The following LMF1 variants were observed in gnomAD, a reference collection of about 807,000 sequenced individuals.
The protein encoded by LMF1 is transmembrane protein 112.
Under a neutral mutation model 60.6 loss-of-function variants are expected in LMF1, and 68 were observed. That is an observed-to-expected ratio of 1.12 (90% CI 0.92 to 1.37). The LOEUF (loss-of-function observed/expected upper bound fraction) is 1.37, where lower values mean the gene tolerates loss of function less well. LMF1 is among the 40% of genes most tolerant of loss of function. LMF1 has a pLI of 0.00. For synonymous variants in LMF1, 418 were observed against 324.7 expected (o/e 1.29, Z -3.09); for missense variants, 948 against 767.2 (o/e 1.24, Z -2.78).
rs71142797 is a variant in LMF1 at position 981,282 on chromosome 16, CTGTGTGTG to C, written c.-280_-273del. The C allele has an allele frequency of 7.4e-4, 229 of 310,132 alleles. 5 individuals are homozygous for C. Among genetic ancestry groups the C allele is most frequent in the Non-Finnish European group, 3.0e-4 (48 of 162,232 alleles). 19.2% of individuals were successfully genotyped at this position (310,132 alleles called of 1,614,324 possible). On this transcript the variant is annotated 5_prime_UTR_variant, in exon 1 of 7. Coordinates refer to the LMF1 transcript ENST00000570014. ...GGCGAGACCTCAGGCGCGAGACGGG[CTGTGTGTG>C]TGTGTGTGTGTGTGAGAGAGAGAGA...
At chr16:912,532 C>T (rs185669687) in intron 3 of LMF1, among the ~76,000 whole-genome samples, 650 of 152,304 alleles carry the variant, frequency 4.3e-3, no homozygotes, top group Non-Finnish European at 7.3e-3. Context: ...AGCAGATCGG[C>T]GTGAGTGGAG....
chr16:910,786 A>G (rs2071087293), intron 4 of LMF1, 145 bp downstream of exon 4: 3 of 949,180 alleles, frequency 3.2e-6, no homozygotes, highest in African/African-American at 3.3e-5. Context: ...AAGGGGCAGA[A>G]GAGTGCGCAG....
chr16:978,407 G>A (rs930682280), intron 1 of LMF1, among the ~76,000 whole-genome samples: 11 of 152,128 alleles, frequency 7.2e-5, no homozygotes, highest in East Asian at 5.8e-4. Flanking sequence ...TAGGAGCCAC[G>A]GGTAGGGTGG....
Position 896,487 on chromosome 16 carries a change from G to A in LMF1, c.664-3415C>T, listed in dbSNP as rs371100539. ...AAAACTGAGAGTCAGGTCTTCTGGA[G>A]GCTGGGTTTGCTCAGATCACAAAAG... On this transcript the variant is annotated intron_variant, in intron 4 of 10. Transcript: ENST00000262301. Among the ~76,000 whole-genome samples the A allele has an allele frequency of 4.9e-4, 75 of 152,356 alleles. No homozygotes were observed. In the Middle Eastern group the frequency reaches 0.01, roughly 21 times the overall value.
chr16:867,483 C>T lies in LMF1; in HGVS notation c.1529+1461G>A, dbSNP rs550972537. On this transcript the variant is annotated intron_variant, in intron 10 of 10. Coordinates refer to ENST00000262301, the MANE Select transcript of LMF1 (RefSeq NM_022773.4). The stretch of plus-strand genomic sequence containing the variant: ...TGGGGGGCTCTGAAGGCTGCTGAGA[C>T]GGGGCAGTAACAGAGAAGACCCGTA... Among the ~76,000 whole-genome samples, 415 of 152,268 alleles carry T rather than the reference C, an allele frequency of 2.7e-3. 1 individual carries two copies. Among genetic ancestry groups the T allele is most frequent in the African/African-American group, 9.3e-3 (388 of 41,546 alleles).
chr16:875,300 G>A (rs1464264190), intron 6 of LMF1, among the ~76,000 whole-genome samples: 5 of 152,098 alleles, frequency 3.3e-5, no homozygotes, highest in Non-Finnish European at 5.9e-5. Flanking sequence ...CGGCACTAAG[G>A]GAACCCGCAG....
chr16:951,362 C>T (rs1020016417), intron 2 of LMF1, among the ~76,000 whole-genome samples: 4 of 152,128 alleles, frequency 2.6e-5, no homozygotes, highest in Admixed American at 2.0e-4. Flanking sequence ...TCAGAGCCAA[C>T]GATGGAGTCA....
intron 1 of LMF1, among the ~76,000 whole-genome samples, chr16:958,900 A>AC (rs2072764636): frequency 6.8e-6 from 1 of 147,076 alleles, no homozygotes; most frequent in African/African-American, 2.6e-5. Context: ...AAAAACCAAA[A>AC]AAACAAAACA....
chr16:913,044 C>T (rs138458438), intron 3 of LMF1, among the ~76,000 whole-genome samples: 2,557 of 152,336 alleles, frequency 0.017, 39 homozygotes, highest in Non-Finnish European at 0.027. Flanking sequence ...CTGCCACTGC[C>T]GGGGAGAGGA....
intron 3 of LMF1, chr16:933,361 A>G (rs17497398): frequency 0.014 from 2,131 of 152,626 alleles, 24 homozygotes; most frequent in Middle Eastern, 0.037. Flanking sequence ...CTGGTACTCA[A>G]TATTGAAGGA....
intron 6 of LMF1, among the ~76,000 whole-genome samples, chr16:876,348 C>G (rs539023765): frequency 6.6e-6 from 1 of 152,334 alleles, no homozygotes; most frequent in East Asian, 1.9e-4. Flanking sequence ...CAGAGAACTT[C>G]CAGGGCCACA....
chr16:915,811 C>T (rs996883489), intron 3 of LMF1, among the ~76,000 whole-genome samples: 12 of 152,190 alleles, frequency 7.9e-5, no homozygotes, highest in African/African-American at 2.9e-4. Flanking sequence ...GTGAGATGAG[C>T]ACCATCACCG....
chr16:857,112 T>C lies in LMF1; in HGVS notation c.1530-2406A>G, dbSNP rs142642282. ...GTGATGGAGGCTTCCTTCCTCCTCG[T>C]CGCTGACCGGCGTCTGCGGCGTGAG... On this transcript the variant is annotated intron_variant, in intron 10 of 10. Coordinates refer to ENST00000262301, the MANE Select transcript of LMF1 (RefSeq NM_022773.4). 5.2e-3 allele frequency among the ~76,000 whole-genome samples: 800 copies of C among 152,384 alleles called. 8 individuals are homozygous for C. Among genetic ancestry groups the C allele is most frequent in the African/African-American group, 0.018 (763 of 41,596 alleles).
At chr16:869,571 T>G in intron 9 of LMF1, 1 of 611,684 alleles carries the variant, frequency 1.6e-6, no homozygotes, top group Non-Finnish European at 3.1e-6. Context: ...GGCGCCACCC[T>G]CAGCTGCTGG....
Position 874,538 on chromosome 16 carries a change from T to C in LMF1, c.898-3197A>G, listed in dbSNP as rs114968913. 0.021 allele frequency among the ~76,000 whole-genome samples: 3,228 copies of C among 152,208 alleles called. 119 individuals are homozygous for C. The highest frequency in any genetic ancestry group is 0.073 in the African/African-American group (3,036 of 41,526). On this transcript the variant is annotated intron_variant, in intron 6 of 10. Transcript: ENST00000262301. The surrounding 1 kb of genome is among the most constrained non-coding windows in gnomAD (Gnocchi z 4.1). ...GGCGGCCGGGCTCTGCGGTCACTGC[T>C]CTTGTGCACCTCTCCAGGCAGGCAG...
In LMF1 at chr16:869,476, G is replaced by T. The variant is rs911388679; in HGVS notation, c.1416+407C>A. 6 of 544,448 alleles carry T rather than the reference G, an allele frequency of 1.1e-5. No individual in the cohort carries two copies. The Admixed American group carries it at 1.3e-4, about 12-fold the overall frequency. The allele number at this position is 544,448 out of a possible 1,614,324, so 33.7% of individuals were successfully genotyped here. ...AGACAGGGTCTGGCTCCGTCCCCCA[G>T]ACTGGAAGGCAACGCTGCCATCATT... On this transcript the variant is annotated intron_variant, in intron 9 of 10. Coordinates refer to ENST00000262301, the MANE Select transcript of LMF1 (RefSeq NM_022773.4).
intron 5 of LMF1, among the ~76,000 whole-genome samples, chr16:891,391 A>G (rs2070483549): frequency 6.6e-6 from 1 of 152,260 alleles, no homozygotes; most frequent in Non-Finnish European, 1.5e-5. Context: ...AGAAGGCATC[A>G]GAGTGTTTGT....
intron 1 of LMF1, among the ~76,000 whole-genome samples, chr16:969,861 G>A (rs1254899487): frequency 1.3e-5 from 2 of 152,212 alleles, no homozygotes; most frequent in Non-Finnish European, 2.9e-5. Context: ...TCACAGAACC[G>A]TTCTCTTCCA....
intron 3 of LMF1, among the ~76,000 whole-genome samples, chr16:919,779 C>T (rs1473333367): frequency 1.3e-5 from 2 of 152,028 alleles, no homozygotes; most frequent in African/African-American, 4.8e-5. Context: ...GTGGCAGGGC[C>T]GCCCTGGGAG....
Sources: allele counts gnomAD v4.1 joint callset (sites outside exome capture counted in the v4.1 genomes callset), GRCh38; gene constraint gnomAD v4.1.1; non-coding constraint Gnocchi (gnomAD v3.1); transcripts MANE v1.5; gene names NCBI Gene and HGNC (gene_info 2026-07-23, HGNC 2026-07-21).